Variants in CDH2 observed in about 807,000 individuals in gnomAD.
CDH2 encodes cadherin-2.
Under a neutral mutation model 92.0 loss-of-function variants are expected in CDH2, and 17 were observed. That is an observed-to-expected ratio of 0.18 (90% confidence interval 0.13 to 0.28). The LOEUF is 0.28. Ranked by LOEUF, CDH2 falls within the 10% of genes least tolerant of loss-of-function variation. The probability of loss-of-function intolerance (pLI) is 1.00; values close to 1 mark genes in which losing one functional copy is unlikely to be tolerated. For synonymous variants in CDH2, 419 were observed against 415.9 expected (o/e 1.01, Z -0.09); for missense variants, 862 against 1,133.1 (o/e 0.76, Z 3.44).
intron 2 of CDH2, among the ~76,000 whole-genome samples, chr18:28,087,287 C>T (rs1447373025): frequency 6.6e-6 from 1 of 152,122 alleles, no homozygotes; most frequent in East Asian, 1.9e-4. Flanking sequence ...AAGCATAAAG[C>T]GGTTCTCCCC....
chr18:28,000,387 C>T (rs1330995251), intron 7 of CDH2, among the ~76,000 whole-genome samples: 1 of 152,198 alleles, frequency 6.6e-6, no homozygotes, highest in African/African-American at 2.4e-5. Context: ...CAGGTATGAG[C>T]CACCGTGCCT....
Position 28,011,855 on chromosome 18 carries a change from C to T in CDH2, c.537G>A (p.Glu179=). 6.2e-7 allele frequency: 1 copy of T among 1,614,026 alleles called. No individual in the cohort carries two copies. ...PENSRGPFPQ[E]LVRIRSDRDK... ...AATTGTGCCACCTTACCCTGACAAG[C>T]TCTTGAGGAAAAGGTCCCCTGGAGT... The change falls in exon 4 of 16, where the codon GAG becomes GAA. Residue 179 remains glutamate, a synonymous_variant. Transcript: ENST00000269141.
intron 2 of CDH2, among the ~76,000 whole-genome samples, chr18:28,095,707 G>A (rs917403853): frequency 6.6e-6 from 1 of 150,924 alleles, no homozygotes; most frequent in African/African-American, 2.4e-5. Context: ...CTGCTCTGGA[G>A]GCTGAGGCAG....
At chr18:28,087,039 G>C (rs1002402566) in intron 2 of CDH2, among the ~76,000 whole-genome samples, 1 of 152,140 alleles carries the variant, frequency 6.6e-6, no homozygotes, top group Non-Finnish European at 1.5e-5. Flanking sequence ...TGAATGGCAG[G>C]CAGGCTGAAT....
intron 2 of CDH2, among the ~76,000 whole-genome samples, chr18:28,050,596 C>T (rs2014170863): frequency 6.6e-6 from 1 of 152,176 alleles, no homozygotes; most frequent in South Asian, 2.1e-4. Flanking sequence ...TTCTTTAATA[C>T]TTACCATATT....
chr18:28,169,331 C>T (rs2016430926), intron 1 of CDH2, among the ~76,000 whole-genome samples: 1 of 152,048 alleles, frequency 6.6e-6, no homozygotes, highest in Non-Finnish European at 1.5e-5. Context: ...TTAACGAAAG[C>T]AGTAACATCA....
chr18:28,176,924 A>T, intron 1 of CDH2, 39 bp downstream of exon 1: 1 of 829,010 alleles, frequency 1.2e-6, no homozygotes. Flanking sequence ...CGCCCGCCCC[A>T]CCCCGCCCGT....
intron 2 of CDH2, among the ~76,000 whole-genome samples, chr18:28,059,166 T>C (rs2014352897): frequency 6.6e-6 from 1 of 152,208 alleles, no homozygotes; most frequent in Non-Finnish European, 1.5e-5. Flanking sequence ...AAACACCAAA[T>C]GGTCTCTTTG....
chr18:27,936,627 T>C (rs1194338962), intron 6 of CDH2, among the ~76,000 whole-genome samples: 1 of 152,140 alleles, frequency 6.6e-6, no homozygotes, highest in Non-Finnish European at 1.5e-5. Context: ...TGTCCCAGGC[T>C]CAAGCCACTG....
At chr18:27,999,696 G>GTA (rs1313427920) in intron 7 of CDH2, among the ~76,000 whole-genome samples, 41 of 150,896 alleles carry the variant, frequency 2.7e-4, no homozygotes, top group Non-Finnish European at 4.4e-4. Flanking sequence ...GTGTGTGTGT[G>GTA]TATATATATG....
At chr18:27,946,501 C>A (rs1909270810), downstream of CDH2, among the ~76,000 whole-genome samples, 1 of 151,874 alleles carries the variant, frequency 6.6e-6, no homozygotes, top group African/African-American at 2.4e-5. Flanking sequence ...AAAATAAGTG[C>A]AATATCAGAA....
chr18:28,095,780 AGCC>A (rs2015121265), intron 2 of CDH2, among the ~76,000 whole-genome samples: 1 of 136,292 alleles, frequency 7.3e-6, no homozygotes, highest in Non-Finnish European at 1.5e-5. Context: ...ACTGTACTCC[AGCC>A]TGGGCAATAG....
intron 7 of CDH2, among the ~76,000 whole-genome samples, chr18:27,994,689 T>C (rs749025483): frequency 6.6e-6 from 1 of 152,158 alleles, no homozygotes; most frequent in East Asian, 1.9e-4. Flanking sequence ...TTTCTAAATA[T>C]AGCTAACATT....
At chr18:28,160,238 C>A (rs1292896499) in intron 1 of CDH2, among the ~76,000 whole-genome samples, 3 of 151,778 alleles carry the variant, frequency 2.0e-5, no homozygotes, top group Non-Finnish European at 1.5e-5. Context: ...GGATGCACAG[C>A]GACCTTAGCC....
intron 3 of CDH2, among the ~76,000 whole-genome samples, chr18:28,012,754 A>ACTTTCAATATGT (rs2013136350): frequency 6.6e-6 from 1 of 152,204 alleles, no homozygotes; most frequent in Non-Finnish European, 1.5e-5. Flanking sequence ...TAATAGATTA[A>ACTTTCAATATGT]CAAATTAAAT....
intron 15 of CDH2, among the ~76,000 whole-genome samples, chr18:27,961,308 G>C (rs2011397394): frequency 6.6e-6 from 1 of 151,274 alleles, no homozygotes; most frequent in South Asian, 2.1e-4. Context: ...ACAAGAAATA[G>C]CGCTTGTCCT....
At chr18:28,053,947 C>T (rs1203085626) in intron 2 of CDH2, among the ~76,000 whole-genome samples, 2 of 151,966 alleles carry the variant, frequency 1.3e-5, no homozygotes, top group Non-Finnish European at 2.9e-5. Context: ...CTTTTTGCAT[C>T]GAGCCCCTAA....
In CDH2 at chr18:27,992,746, G is replaced by A; in HGVS notation, c.1253C>T (p.Ala418Val). Reference sequence around the variant, plus strand: ...ATCTCCGCCACTGATTCTGTACACTGCGTTCCAGGCTGGTGTATGGGGTTG... The same window carrying A: ...ATCTCCGCCACTGATTCTGTACACTACGTTCCAGGCTGGTGTATGGGGTTG... The part of the protein sequence containing the change: ...KDQPHTPAWN[A>V]VYRISGGDPT... The change falls in exon 9 of 16, where the codon GCA (alanine) becomes GTA (valine). Residue 418 changes from alanine (A) to valine (V), a missense_variant. By Grantham distance (64) the Ala-to-Val change is moderately conservative. This residue lies in a region of CDH2 where 564 missense variants were observed against 722.2 expected (regional missense o/e 0.78). Coordinates refer to ENST00000269141, the MANE Select transcript of CDH2 (RefSeq NM_001792.5). 6.2e-7 allele frequency: 1 copy of A among 1,614,018 alleles called. No homozygotes were observed.
intron 14 of CDH2, among the ~76,000 whole-genome samples, chr18:27,972,076 A>C (rs891515388): frequency 6.6e-6 from 1 of 152,052 alleles, no homozygotes; most frequent in Non-Finnish European, 1.5e-5. Context: ...TTTGTTCTCA[A>C]GTGGCTTTCT....
Sources: allele counts gnomAD v4.1 joint callset (sites outside exome capture counted in the v4.1 genomes callset), GRCh38; gene constraint gnomAD v4.1.1; regional missense constraint gnomAD v4.1.1; transcripts MANE v1.5; gene names NCBI Gene and HGNC (gene_info 2026-07-23, HGNC 2026-07-21).